The following PTPRK variants were observed in gnomAD, a reference collection of about 807,000 sequenced individuals.
PTPRK encodes protein tyrosine phosphatase receptor type K, also known as receptor-type tyrosine-protein phosphatase kappa.
PTPRK carries 75 observed loss-of-function variants against 178.0 expected under a neutral mutation model. The observed-to-expected ratio is 0.42, with a 90% CI of 0.35 to 0.51. The LOEUF (loss-of-function observed/expected upper bound fraction) is 0.51, where lower values mean the gene tolerates loss of function less well. Ranked by LOEUF, PTPRK falls within the 20% of genes least tolerant of loss-of-function variation. The pLI is 0.02. For missense variants in PTPRK, 1,441 were observed against 1,797.8 expected (o/e 0.80, Z 3.59); for synonymous variants, 637 against 620.6 (o/e 1.03, Z -0.39).
At chr6:128,520,159 C>A in intron 1 of PTPRK, 100 bp downstream of exon 1, 1 of 1,045,574 alleles carries the variant, frequency 9.6e-7, no homozygotes, top group East Asian at 2.7e-5. Context: ...ACAGAGAGAG[C>A]TCCCCACGAT....
At chr6:128,430,728 A>G (rs1185021681) in intron 1 of PTPRK, among the ~76,000 whole-genome samples, 1 of 152,174 alleles carries the variant, frequency 6.6e-6, no homozygotes, top group Non-Finnish European at 1.5e-5. Context: ...ATAGCAAAAA[A>G]CAAGCCACAT....
chr6:128,230,576 T>TA (rs1434008251), intron 5 of PTPRK, among the ~76,000 whole-genome samples: 19 of 152,318 alleles, frequency 1.2e-4, no homozygotes, highest in Middle Eastern at 3.4e-3. Flanking sequence ...ATTCTATACC[T>TA]ACGTTTTATT....
intron 1 of PTPRK, chr6:128,500,633 A>G (rs1855414603): frequency 6.6e-6 from 1 of 152,206 alleles, no homozygotes; most frequent in South Asian, 2.1e-4. Context: ...TTCCTATTAT[A>G]TAACCATTTA....
At chr6:128,407,688 T>C in intron 1 of PTPRK, among the ~76,000 whole-genome samples, 1 of 147,298 alleles carries the variant, frequency 6.8e-6, no homozygotes, top group African/African-American at 2.5e-5. Context: ...GAAAAAATGA[T>C]TCACTAAAGT....
intron 15 of PTPRK, among the ~76,000 whole-genome samples, chr6:128,002,980 A>G (rs577428464): frequency 1.3e-5 from 2 of 152,068 alleles, no homozygotes; most frequent in African/African-American, 4.8e-5. Flanking sequence ...TCTAACAACC[A>G]AGAATTGAAG....
At chr6:128,313,282 G>C (rs1827508927) in intron 3 of PTPRK, among the ~76,000 whole-genome samples, 1 of 152,040 alleles carries the variant, frequency 6.6e-6, no homozygotes. Flanking sequence ...TTTAAAATTT[G>C]TACAATTGCT....
chr6:128,520,233 G>T (rs566138262), intron 1 of PTPRK, 26 bp downstream of exon 1: 17 of 1,557,572 alleles, frequency 1.1e-5, no homozygotes, highest in South Asian at 5.9e-5. Context: ...CCAGGCGTTC[G>T]TCGGGGACGC....
intron 3 of PTPRK, among the ~76,000 whole-genome samples, chr6:128,299,168 G>A (rs1192987271): frequency 2.1e-4 from 32 of 152,250 alleles, no homozygotes; most frequent in African/African-American, 6.7e-4. Flanking sequence ...TACAAGGGAC[G>A]TGAAGGATAT....
At chr6:128,175,748 T>C (rs2114664249) in intron 7 of PTPRK, among the ~76,000 whole-genome samples, 1 of 151,934 alleles carries the variant, frequency 6.6e-6, no homozygotes, top group East Asian at 1.9e-4. Flanking sequence ...TTTGATGTAT[T>C]ATTTTAATAT....
At chr6:128,045,331 A>G (rs1335982437) in intron 13 of PTPRK, among the ~76,000 whole-genome samples, 1 of 151,960 alleles carries the variant, frequency 6.6e-6, no homozygotes. Flanking sequence ...TATTTACAGT[A>G]ATGACAATAC....
At chr6:128,097,076 T>C (rs960986497) in intron 7 of PTPRK, among the ~76,000 whole-genome samples, 1 of 152,164 alleles carries the variant, frequency 6.6e-6, no homozygotes, top group Admixed American at 6.6e-5. Flanking sequence ...AAAGATTTCA[T>C]CTCTGCTCCC....
intron 13 of PTPRK, among the ~76,000 whole-genome samples, chr6:128,036,600 A>C (rs930172119): frequency 6.6e-6 from 1 of 152,252 alleles, no homozygotes; most frequent in Admixed American, 6.5e-5. Context: ...CAAGTACTTA[A>C]TAAACTAAAA....
chr6:127,995,030 A>G (rs1776984850), intron 18 of PTPRK, among the ~76,000 whole-genome samples: 1 of 152,010 alleles, frequency 6.6e-6, no homozygotes, highest in African/African-American at 2.4e-5. Context: ...TCAAAGCTAA[A>G]AATGGTCCTG....
At chr6:128,293,369 T>C (rs1053020818) in intron 3 of PTPRK, among the ~76,000 whole-genome samples, 3 of 152,032 alleles carry the variant, frequency 2.0e-5, no homozygotes, top group African/African-American at 7.2e-5. Context: ...TGTTTTCACA[T>C]GGTGAGTGGC....
At chr6:128,435,459 C>T (rs1326130379) in intron 1 of PTPRK, among the ~76,000 whole-genome samples, 1 of 151,718 alleles carries the variant, frequency 6.6e-6, no homozygotes, top group African/African-American at 2.4e-5. Context: ...AAACTTTTTT[C>T]TTGATATGGA....
At chr6:128,078,670 T>A in intron 11 of PTPRK, 143 bp downstream of exon 11, 3 of 473,944 alleles carry the variant, frequency 6.3e-6, no homozygotes, top group East Asian at 5.9e-5. Flanking sequence ...AATTAAACTT[T>A]ATCATAGGTT....
chr6:128,166,106 C>T (rs1169437305), intron 7 of PTPRK, among the ~76,000 whole-genome samples: 1 of 151,524 alleles, frequency 6.6e-6, no homozygotes, highest in Non-Finnish European at 1.5e-5. Flanking sequence ...AGTCAATTTT[C>T]TCATAGCCTT....
In PTPRK at chr6:127,992,642, T is replaced by G. The variant is rs202064485; in HGVS notation, c.2881+31A>C. 5 of 1,567,336 alleles carry G rather than the reference T, an allele frequency of 3.2e-6. No individual in the cohort carries two copies. The East Asian group carries it at 1.1e-4, about 36-fold the overall frequency. ...ATAGATGAATAAGCAAGTTTGTTTT[T>G]TCTATAACATTTAACAAGGCAAAGT... On this transcript the variant is annotated intron_variant, in intron 19 of 29. Coordinates refer to ENST00000368226, the MANE Select transcript of PTPRK (RefSeq NM_002844.4).
At chr6:128,281,743 A>T (rs1479197256) in intron 3 of PTPRK, among the ~76,000 whole-genome samples, 2 of 151,972 alleles carry the variant, frequency 1.3e-5, no homozygotes, top group Non-Finnish European at 2.9e-5. Flanking sequence ...CCAATTCCAA[A>T]CCCACTCTAC....
Sources: allele counts gnomAD v4.1 joint callset (sites outside exome capture counted in the v4.1 genomes callset), GRCh38; gene constraint gnomAD v4.1.1; transcripts MANE v1.5; gene names NCBI Gene and HGNC (gene_info 2026-07-23, HGNC 2026-07-21).